Variants in KCND2 observed in about 807,000 individuals in gnomAD.
KCND2 encodes the protein A-type voltage-gated potassium channel KCND2.
Under a neutral mutation model 54.4 loss-of-function variants are expected in KCND2, and 16 were observed. That is an observed-to-expected ratio of 0.29 (90% CI 0.20 to 0.45). The LOEUF is 0.45. Among genes scored for constraint, KCND2 ranks in the 20% least tolerant of loss-of-function variants. KCND2 has a pLI of 1.00. For missense variants in KCND2, 486 were observed against 824.2 expected, an observed-to-expected ratio of 0.59 and a Z score of 5.02; for synonymous variants, 317 against 310.7, an observed-to-expected ratio of 1.02 and a Z score of -0.21.
chr7:120,404,306 C>A (rs1160216571), intron 1 of KCND2, among the ~76,000 whole-genome samples: 1 of 152,070 alleles, frequency 6.6e-6, no homozygotes, highest in Non-Finnish European at 1.5e-5. Context: ...TCATTAGTGC[C>A]ATAGGTTTCA....
intron 1 of KCND2, among the ~76,000 whole-genome samples, chr7:120,624,838 A>T (rs746965925): frequency 6.6e-6 from 1 of 152,120 alleles, no homozygotes. Flanking sequence ...AGTATCTTCC[A>T]TAGTAGATAA....
At chr7:120,521,597 C>T (rs1166658887) in intron 1 of KCND2, among the ~76,000 whole-genome samples, 1 of 152,128 alleles carries the variant, frequency 6.6e-6, no homozygotes, top group African/African-American at 2.4e-5. Context: ...GTTCATTTCT[C>T]AGTCTCTAAA....
intron 1 of KCND2, among the ~76,000 whole-genome samples, chr7:120,353,139 T>A (rs1048102040): frequency 3.5e-5 from 5 of 141,812 alleles, no homozygotes; most frequent in Non-Finnish European, 6.1e-5. Flanking sequence ...TTTACTTTTT[T>A]TTTTTTTTTT....
chr7:120,728,146 AAAG>A (rs1267730341), intron 1 of KCND2, among the ~76,000 whole-genome samples: 1 of 150,714 alleles, frequency 6.6e-6, no homozygotes, highest in Non-Finnish European at 1.5e-5. Context: ...AAAAAAAAAA[AAAG>A]AAAGAAAGAA....
At chr7:120,612,099 A>G (rs908121659) in intron 1 of KCND2, among the ~76,000 whole-genome samples, 1 of 151,564 alleles carries the variant, frequency 6.6e-6, no homozygotes, top group Non-Finnish European at 1.5e-5. Context: ...TCTCTACCCA[A>G]GATATGACTT....
intron 1 of KCND2, among the ~76,000 whole-genome samples, chr7:120,677,542 GATATAGATATATAGATATATAGAT>G (rs1240850643): frequency 7.2e-6 from 1 of 139,710 alleles, no homozygotes; most frequent in South Asian, 2.2e-4. Context: ...TATAGATATA[GATATAGATATATAGATATATAGAT>G]ATATAGATAT....
chr7:120,560,496 C>T (rs1240805506), intron 1 of KCND2, among the ~76,000 whole-genome samples: 1 of 152,154 alleles, frequency 6.6e-6, no homozygotes, highest in South Asian at 2.1e-4. Context: ...TTCTATGGAG[C>T]CCTTCTTGGG....
chr7:120,670,522 GCTTC>G (rs1791978392), intron 1 of KCND2, among the ~76,000 whole-genome samples: 1 of 152,030 alleles, frequency 6.6e-6, no homozygotes, highest in East Asian at 1.9e-4. Flanking sequence ...GCCACCACCC[GCTTC>G]CCCAAGAGTC....
At chr7:120,382,358 C>T (rs199947454) in intron 1 of KCND2, among the ~76,000 whole-genome samples, 4 of 151,928 alleles carry the variant, frequency 2.6e-5, no homozygotes, top group South Asian at 2.1e-4. Context: ...TGGTAAATTA[C>T]GCTAAGCTGC....
intron 1 of KCND2, among the ~76,000 whole-genome samples, chr7:120,730,126 G>A (rs1792786388): frequency 6.6e-6 from 1 of 152,072 alleles, no homozygotes. Context: ...TATTTTAAAA[G>A]GCTTATTTTA....
At chr7:120,538,983 G>A (rs1791946205) in intron 1 of KCND2, among the ~76,000 whole-genome samples, 2 of 152,104 alleles carry the variant, frequency 1.3e-5, no homozygotes, top group Admixed American at 1.3e-4. Flanking sequence ...CCTGCTCAAT[G>A]CAAGGCTGCC....
At chr7:120,295,584 G>T (rs1313065371) in intron 1 of KCND2, among the ~76,000 whole-genome samples, 1 of 151,918 alleles carries the variant, frequency 6.6e-6, no homozygotes, top group Non-Finnish European at 1.5e-5. Flanking sequence ...CTATCAAGAG[G>T]AATGGGAATA....
At chr7:120,635,848 G>A (rs1384995593) in intron 1 of KCND2, among the ~76,000 whole-genome samples, 1 of 152,124 alleles carries the variant, frequency 6.6e-6, no homozygotes, top group Non-Finnish European at 1.5e-5. Flanking sequence ...ATTGAATTTG[G>A]AGGATGAGTC....
chr7:120,594,426 T>C (rs1053480082), intron 1 of KCND2, among the ~76,000 whole-genome samples: 2 of 152,200 alleles, frequency 1.3e-5, no homozygotes, highest in East Asian at 3.9e-4. Flanking sequence ...CATGGTCAAA[T>C]TCTGGTAAGG....
At chr7:120,718,147 C>T (rs1012833723) in intron 1 of KCND2, among the ~76,000 whole-genome samples, 2 of 152,094 alleles carry the variant, frequency 1.3e-5, no homozygotes, top group African/African-American at 2.4e-5. Context: ...TTTTCACTTA[C>T]CCCAAAGATG....
At chr7:120,508,351 T>C (rs1296157424) in intron 1 of KCND2, among the ~76,000 whole-genome samples, 1 of 151,998 alleles carries the variant, frequency 6.6e-6, no homozygotes, top group East Asian at 1.9e-4. Context: ...CAGAAACGGG[T>C]ATATAACACT....
chr7:120,587,564 GAT>G (rs1792615479), intron 1 of KCND2, among the ~76,000 whole-genome samples: 1 of 151,892 alleles, frequency 6.6e-6, no homozygotes, highest in Non-Finnish European at 1.5e-5. Flanking sequence ...TTTCCTAACA[GAT>G]ATATCTTTTG....
chr7:120,317,810 C>G (rs950139633), intron 1 of KCND2, among the ~76,000 whole-genome samples: 4 of 152,134 alleles, frequency 2.6e-5, no homozygotes, highest in African/African-American at 7.2e-5. Flanking sequence ...TAAAACCCCA[C>G]AGTTTTATGG....
chr7:120,474,594 C>T (rs1427678096), intron 1 of KCND2, among the ~76,000 whole-genome samples: 1 of 151,532 alleles, frequency 6.6e-6, no homozygotes, highest in Non-Finnish European at 1.5e-5. Flanking sequence ...AAACTCCTGA[C>T]CTCAGGTTAT....
Sources: gnomAD v4.1 joint callset for allele counts (sites outside exome capture counted in the v4.1 genomes callset) on GRCh38, gnomAD v4.1.1 for gene constraint, MANE v1.5 for transcripts, NCBI Gene and HGNC (gene_info 2026-07-23, HGNC 2026-07-21) for gene names.